The following DTNA variants were observed in gnomAD, a reference collection of about 807,000 sequenced individuals.
DTNA encodes the protein dystrophin-related protein 3.
DTNA carries 43 observed loss-of-function variants against 100.7 expected under a neutral mutation model. The ratio of observed to expected loss-of-function variants is 0.43; its 90% CI spans 0.33 to 0.55. DTNA has a LOEUF of 0.55. DTNA is among the 20% of genes least tolerant of loss of function. The pLI is 0.04. For synonymous variants in DTNA, 349 were observed against 347.9 expected, an observed-to-expected ratio of 1.00 and a Z score of -0.04; for missense variants, 798 against 953.9, an observed-to-expected ratio of 0.84 and a Z score of 2.15.
chr18:34,842,151 T>C (rs1229778970), intron 13 of DTNA, among the ~76,000 whole-genome samples: 1 of 152,192 alleles, frequency 6.6e-6, no homozygotes, highest in Non-Finnish European at 1.5e-5. Context: ...AGGTCTGTAG[T>C]AGACCAACCA....
chr18:34,709,527 TA>T (rs1199460625), upstream of DTNA: 14 of 152,150 alleles, frequency 9.2e-5, no homozygotes, highest in Admixed American at 9.2e-4. Flanking sequence ...GGTGATTCCT[TA>T]AATCCTAACT....
intron 1 of DTNA, among the ~76,000 whole-genome samples, chr18:34,665,458 A>G (rs897244140): frequency 6.6e-6 from 1 of 152,192 alleles, no homozygotes; most frequent in Non-Finnish European, 1.5e-5. Context: ...GTTCTAGGGT[A>G]CATGTGCACA....
intron 3 of DTNA, among the ~76,000 whole-genome samples, chr18:34,774,523 A>G (rs1021107642): frequency 2.0e-5 from 3 of 152,202 alleles, no homozygotes; most frequent in Non-Finnish European, 4.4e-5. Flanking sequence ...TCACTCATTT[A>G]TGTATTCACT....
chr18:34,872,753 A>G (rs889981945), intron 17 of DTNA, among the ~76,000 whole-genome samples: 21 of 152,224 alleles, frequency 1.4e-4, no homozygotes, highest in African/African-American at 4.8e-4. Flanking sequence ...ACGCTGCTCC[A>G]GCACCACAAG....
rs533568822 is a variant in DTNA, at chr18:34,882,130, G to T, written c.2224G>T (p.Val742Phe). 20 of 1,614,050 alleles carry T rather than the reference G, an allele frequency of 1.2e-5. 1 individual carries two copies. The Admixed American group carries it at 2.0e-4, about 16-fold the overall frequency. The stretch of plus-strand genomic sequence containing the variant: ...AGATGAAAACTATGAAAATGACTCT[G>T]TCCGGCAGCTGGAGAATGAGCTCCA... Reference protein sequence around the residue: ...PEDENYENDSVRQLENELQME... With the variant: ...PEDENYENDSFRQLENELQME... Residue 742 changes from valine to phenylalanine, a missense_variant, in exon 21 of 23, where the codon GTC becomes TTC. Around this residue, in one of 6 missense-constraint regions of DTNA, gnomAD observed 242 missense variants for 238.2 expected, o/e 1.02. Transcript: ENST00000444659.
intron 3 of DTNA, among the ~76,000 whole-genome samples, chr18:34,766,913 T>C (rs897525715): frequency 6.6e-6 from 1 of 151,998 alleles, no homozygotes; most frequent in Non-Finnish European, 1.5e-5. Flanking sequence ...AGGAACTTGC[T>C]CCAGTTTTTT....
intron 1 of DTNA, among the ~76,000 whole-genome samples, chr18:34,507,302 C>T (rs1220381341): frequency 1.3e-5 from 2 of 152,140 alleles, no homozygotes; most frequent in Non-Finnish European, 2.9e-5. Context: ...ATATCATCCA[C>T]CTGAAATGTA....
intron 1 of DTNA, among the ~76,000 whole-genome samples, chr18:34,503,633 G>A (rs916267976): frequency 6.6e-6 from 1 of 151,412 alleles, no homozygotes; most frequent in African/African-American, 2.4e-5. Context: ...TCTTTTAATT[G>A]GTATATTTAA....
chr18:34,759,035 T>C (rs2148316978), intron 2 of DTNA, among the ~76,000 whole-genome samples: 2 of 152,302 alleles, frequency 1.3e-5, no homozygotes, highest in South Asian at 4.1e-4. Context: ...AATAGCTTTA[T>C]ATAAAAAATT....
intron 1 of DTNA, among the ~76,000 whole-genome samples, chr18:34,748,730 C>T (rs1465546701): frequency 1.8e-4 from 28 of 152,068 alleles, no homozygotes; most frequent in Admixed American, 5.3e-4. Context: ...AATTTGAGGT[C>T]GGGTAATGTG....
In DTNA at chr18:34,766,048, A is replaced by G. The variant is rs397517445; in HGVS notation, c.148+7A>G. 4 of 1,613,520 alleles carry G rather than the reference A, an allele frequency of 2.5e-6. No individual in the cohort carries two copies. In the South Asian group the frequency reaches 4.4e-5, roughly 18 times the overall value. On this transcript the variant is annotated splice_region_variant and intron_variant, in intron 3 of 22. Coordinates refer to ENST00000444659, the MANE Select transcript of DTNA (RefSeq NM_001386795.1). ...GTTCAGAAGAAATGCAATTGTAAGT[A>G]TGCCAGTTGTTTGGACTAATTACCA...
chr18:34,728,237 A>G (rs1245590103), intron 1 of DTNA, among the ~76,000 whole-genome samples: 1 of 152,114 alleles, frequency 6.6e-6, no homozygotes, highest in African/African-American at 2.4e-5. Flanking sequence ...GAGTTTTTCT[A>G]TATGTTAAGA....
chr18:34,749,276 T>C (rs969925279), intron 1 of DTNA, among the ~76,000 whole-genome samples: 14 of 152,126 alleles, frequency 9.2e-5, no homozygotes, highest in Non-Finnish European at 1.8e-4. Flanking sequence ...AGCAACAGTT[T>C]GGTTTCTTCT....
At chr18:34,544,578 C>A (rs986423974) in intron 1 of DTNA, among the ~76,000 whole-genome samples, 1 of 152,056 alleles carries the variant, frequency 6.6e-6, no homozygotes, top group Non-Finnish European at 1.5e-5. Context: ...GTTGACATAA[C>A]AATTTTAAAT....
intron 1 of DTNA, among the ~76,000 whole-genome samples, chr18:34,494,659 G>T (rs1267041595): frequency 6.6e-6 from 1 of 152,090 alleles, no homozygotes; most frequent in African/African-American, 2.4e-5. Flanking sequence ...TGGCCGTGAG[G>T]GGCGCAGGGG....
chr18:34,606,541 A>C (rs1332088425), intron 1 of DTNA, among the ~76,000 whole-genome samples: 1 of 152,156 alleles, frequency 6.6e-6, no homozygotes, highest in African/African-American at 2.4e-5. Context: ...AGTCTTAAAC[A>C]ACCTACACAG....
At position 34,497,189 on chromosome 18, in the gene DTNA, A is replaced by G. The variant is rs140058873; in HGVS notation, c.-2+3675A>G. Among the ~76,000 whole-genome samples, 37 of 152,316 alleles carry G rather than the reference A, an allele frequency of 2.4e-4. No individual in the cohort carries two copies. The East Asian group carries it at 7.1e-3, about 29-fold the overall frequency. ...TTTTTTTGTTGTTGTTGTTTTTGATAAAGTGCCAGGATGTCTCAAAATAGA... is the reference window on the plus strand; with the variant it reads ...TTTTTTTGTTGTTGTTGTTTTTGATGAAGTGCCAGGATGTCTCAAAATAGA... On this transcript the variant is annotated intron_variant, in intron 1 of 19. Coordinates refer to the DTNA transcript ENST00000283365.
chr18:34,829,321 T>A, intron 10 of DTNA, 79 bp from the exon 11 acceptor site: 1 of 1,527,852 alleles, frequency 6.5e-7, no homozygotes, highest in Non-Finnish European at 8.8e-7. Flanking sequence ...CTGTGTACAC[T>A]AAATGTCTTT....
At chr18:34,648,086 G>A (rs2060049943) in intron 1 of DTNA, among the ~76,000 whole-genome samples, 1 of 152,158 alleles carries the variant, frequency 6.6e-6, no homozygotes, top group African/African-American at 2.4e-5. Flanking sequence ...CATTTTTCAG[G>A]AAGAGGGAAC....
Sources: allele counts gnomAD v4.1 joint callset (sites outside exome capture counted in the v4.1 genomes callset), GRCh38; gene constraint gnomAD v4.1.1; regional missense constraint gnomAD v4.1.1; transcripts MANE v1.5; gene names NCBI Gene and HGNC (gene_info 2026-07-23, HGNC 2026-07-21).